ZBTB17: variants seen among roughly 807,000 people sequenced by gnomAD.
The protein encoded by ZBTB17 is zinc finger and BTB domain-containing protein 17.
In ZBTB17, 24 loss-of-function variants were observed where a neutral mutation model predicts 85.1. That is an observed-to-expected ratio of 0.28 (90% CI 0.20 to 0.40). ZBTB17 has a LOEUF of 0.40. ZBTB17 is among the 10% of genes least tolerant of loss of function. The pLI, the probability that ZBTB17 is intolerant of heterozygous loss-of-function variation, is 1.00. For synonymous variants in ZBTB17, 464 were observed against 460.2 expected (o/e 1.01, Z -0.11); for missense variants, 743 against 1,105.1 (o/e 0.67, Z 4.65).
intron 2 of ZBTB17, chr1:15,969,749 G>A: frequency 2.0e-6 from 1 of 492,620 alleles, no homozygotes; most frequent in South Asian, 1.6e-5. Flanking sequence ...CTCACTGTGG[G>A]CCTCATGGGA....
At chr1:15,950,036 T>C (rs1272382064) in intron 2 of ZBTB17, among the ~76,000 whole-genome samples, 1 of 152,210 alleles carries the variant, frequency 6.6e-6, no homozygotes, top group Non-Finnish European at 1.5e-5. Context: ...GCTTTGGCTC[T>C]CTCAATGACA....
Position 15,945,814 on chromosome 1 carries a change from C to CCG in ZBTB17, c.561_562insCG (p.Ala188ArgfsTer173), listed in dbSNP as rs1317702224. On this transcript the variant is annotated frameshift_variant, in exon 6 of 16. Coordinates refer to ENST00000375743, the MANE Select transcript of ZBTB17 (RefSeq NM_003443.3). LOFTEE classifies it high-confidence loss of function. ...TCCACAGGCGGCGGCTCCCGGGGCG[C>CCG]ATCGGCTTTCTCTGTCTGCTCTGCA... 1 of 1,601,298 alleles carries CCG rather than the reference C, an allele frequency of 6.2e-7. No individual in the cohort carries two copies. The highest frequency in any genetic ancestry group is 8.5e-7 in the Non-Finnish European group (1 of 1,178,270).
Position 15,976,030 on chromosome 1 carries a change from G to T in ZBTB17, c.-137C>A, listed in dbSNP as rs574861822. The T allele has an allele frequency of 1.4e-6, 1 of 697,096 alleles. No homozygotes were observed. Among genetic ancestry groups the T allele is most frequent in the South Asian group, 1.5e-5 (1 of 66,758 alleles). The allele number at this position is 697,096 out of a possible 1,614,324, so 43.2% of individuals were successfully genotyped here. On this transcript the variant is annotated 5_prime_UTR_variant, in exon 1 of 16. An upstream open reading frame in the 5' UTR gains an earlier in-frame stop. Coordinates refer to ENST00000375743, the MANE Select transcript of ZBTB17 (RefSeq NM_003443.3). ...GCAGAGGGAGGTGCATCACGGCCGC[G>T]AGAAGGCCGGGGACGGCACTCCAGA...
Position 15,945,576 on chromosome 1 carries a change from T to C in ZBTB17, c.661+139A>G, listed in dbSNP as rs1315843250. On this transcript the variant is annotated intron_variant, in intron 6 of 15. Transcript: ENST00000375743. Reference sequence around the variant, plus strand: ...ACTCAAGAACATGCGAAGACCAAGGTGTCCCAAAGCTGAAGTGCATGGTGA... The same window carrying C: ...ACTCAAGAACATGCGAAGACCAAGGCGTCCCAAAGCTGAAGTGCATGGTGA... 4.8e-6 allele frequency: 6 copies of C among 1,242,846 alleles called. No homozygotes were observed. The Admixed American group carries it at 1.5e-4, about 30-fold the overall frequency. 77.0% of individuals were successfully genotyped at this position (1,242,846 alleles called of 1,614,324 possible).
chr1:15,966,148 G>A lies in ZBTB17; in HGVS notation c.-3+6891C>T, dbSNP rs1037540362. Among the ~76,000 whole-genome samples, 31 of 152,150 alleles carry A rather than the reference G, an allele frequency of 2.0e-4. No individual in the cohort carries two copies. The highest frequency in any genetic ancestry group is 2.0e-3 in the Admixed American group (30 of 15,272). ...GGGCTGCTGACTGAGTCACAGTAAC[G>A]GGGGAAAATCCCTGAGGGGCCCACA... On this transcript the variant is annotated intron_variant, in intron 2 of 15. Transcript: ENST00000375743. The surrounding 1 kb of genome is among the most constrained non-coding windows in gnomAD (Gnocchi z 4.1).
rs950763626 is a variant in ZBTB17 at position 15,944,411 on chromosome 1, G to A, written c.1260C>T (p.Cys420=). ...CGGAGAAGGAGCGGCCGCAGTAGTC[G>A]CACTGGTAGGGCTTCTCGCCGCTGT... ...LVHSGEKPYQ[C]DYCGRSFSDP... The change falls in exon 9 of 16, where the codon TGC becomes TGT. Residue 420 remains cysteine (C), a synonymous_variant. Transcript: ENST00000375743. The A allele has an allele frequency of 1.3e-6, 2 of 1,565,650 alleles. No individual in the cohort carries two copies. The highest frequency in any genetic ancestry group is 1.7e-6 in the Non-Finnish European group (2 of 1,155,744).
chr1:15,948,512 AGGGCGTT>A lies in ZBTB17; in HGVS notation c.-2-22_-2-16del. On this transcript the variant is annotated splice_polypyrimidine_tract_variant and intron_variant, in intron 2 of 15. Transcript: ENST00000375743. ...AAAGTCCATGGCTGAAGAAAGCCAA[AGGGCGTT>A]GGGGTTAGCACGGAGAAAGGACGTC... is the stretch of plus-strand genomic sequence containing the variant. The A allele has an allele frequency of 6.2e-7, 1 of 1,611,782 alleles. No individual in the cohort carries two copies. Among genetic ancestry groups the A allele is most frequent in the South Asian group, 1.1e-5 (1 of 90,974 alleles).
At position 15,942,416 on chromosome 1, in the gene ZBTB17, C is replaced by G. The variant is rs1271856216; in HGVS notation, c.2043G>C (p.Val681=). The change falls in exon 15 of 16, where the codon GTG becomes GTC. Residue 681 remains valine, a synonymous_variant. Transcript: ENST00000375743. ...AATAVTQLTV[V]PVGAAVTADE... ...CGGCTGTCACTGCAGCTCCCACCGG[C>G]ACCACTGCGGGCAGAGTCGCAGGGC... The G allele has an allele frequency of 1.2e-6, 2 of 1,613,224 alleles. No individual in the cohort carries two copies. Among genetic ancestry groups the G allele is most frequent in the African/African-American group, 2.7e-5 (2 of 74,960 alleles).
chr1:15,970,694 G>C (rs6684328), intron 2 of ZBTB17, among the ~76,000 whole-genome samples: 2 of 151,940 alleles, frequency 1.3e-5, no homozygotes, highest in Non-Finnish European at 2.9e-5. Flanking sequence ...GATTACAGGC[G>C]CCTGCCACTG....
intron 2 of ZBTB17, chr1:15,969,846 C>T (rs1025545042): frequency 1.8e-5 from 10 of 567,046 alleles, no homozygotes; most frequent in Admixed American, 4.4e-5. Context: ...TTTTTATCAT[C>T]ATGGGAATCA....
chr1:15,943,756 C>T lies in ZBTB17; in HGVS notation c.1460-41G>A, dbSNP rs752444143. The T allele has an allele frequency of 1.2e-5, 20 of 1,612,518 alleles. No homozygotes were observed. In the East Asian group the frequency reaches 3.3e-4, roughly 27 times the overall value. ...GGGCGAACCTGGCGTGGGGCACCAC[C>T]GGTGGCCGAGGAGCAGGGGTGTGAG... On this transcript the variant is annotated intron_variant, in intron 10 of 15. Coordinates refer to ENST00000375743, the MANE Select transcript of ZBTB17 (RefSeq NM_003443.3).
Position 15,942,739 on chromosome 1 carries a change from C to T in ZBTB17, c.1829-1G>A, listed in dbSNP as rs1352196623. The T allele has an allele frequency of 6.2e-7, 1 of 1,613,076 alleles. No individual in the cohort carries two copies. ...TTATCACACAGGTAAGGCTTCTCTC[C>T]TGGGGGAGCAAGGTTCTCTCTTGCC... On this transcript the variant is annotated splice_acceptor_variant, in intron 13 of 15. Transcript: ENST00000375743. LOFTEE classifies it high-confidence loss of function.
Position 15,973,403 on chromosome 1 carries a change from G to T in ZBTB17, c.-89-278C>A, listed in dbSNP as rs1420760535. Among the ~76,000 whole-genome samples the T allele has an allele frequency of 6.6e-6, 1 of 152,174 alleles. No homozygotes were observed. The highest frequency in any genetic ancestry group is 1.5e-5 in the Non-Finnish European group (1 of 68,026). On this transcript the variant is annotated intron_variant, in intron 1 of 15. Coordinates refer to ENST00000375743, the MANE Select transcript of ZBTB17 (RefSeq NM_003443.3). This position sits in a 1 kb window ranked among gnomAD's most constrained non-coding sequence, Gnocchi z 4.1. ...AATGTTAAGAAGGAAAAACGACAAGGTTTGTATCCAAGCATTACTGCAGCA... is the reference window on the plus strand; with the variant it reads ...AATGTTAAGAAGGAAAAACGACAAGTTTTGTATCCAAGCATTACTGCAGCA...
intron 3 of ZBTB17, 69 bp from the exon 4 acceptor site, chr1:15,947,192 C>A: frequency 6.7e-7 from 1 of 1,485,544 alleles, no homozygotes; most frequent in South Asian, 1.3e-5. Flanking sequence ...CCCCACCACT[C>A]CACTCAGCAG....
rs2071835822 is a variant in ZBTB17 at position 15,951,400 on chromosome 1, G to T, written c.-2-2903C>A. 1.3e-5 allele frequency among the ~76,000 whole-genome samples: 2 copies of T among 152,124 alleles called. No homozygotes were observed. Among genetic ancestry groups the T allele is most frequent in the African/African-American group, 2.4e-5 (1 of 41,414 alleles). Reference sequence around the variant, plus strand: ...AAATGCGCTTACCAGTACAATCTGGGACTGGCCTCCCAGGGGTGCAAGAGC... The same window carrying T: ...AAATGCGCTTACCAGTACAATCTGGTACTGGCCTCCCAGGGGTGCAAGAGC... On this transcript the variant is annotated intron_variant, in intron 2 of 15. Transcript: ENST00000375743. This position sits in a 1 kb window ranked among gnomAD's most constrained non-coding sequence, Gnocchi z 4.1.
chr1:15,944,360 C>A lies in ZBTB17; in HGVS notation c.1311G>T (p.Leu437=). The change falls in exon 9 of 16, where the codon CTG becomes CTT. Residue 437 remains leucine, a synonymous_variant. Coordinates refer to ENST00000375743, the MANE Select transcript of ZBTB17 (RefSeq NM_003443.3). ...GCTCCTTGTCCGTGTCGTGGGTCTC[C>A]AGGTGGCGCATCTTGGAAGTGGGGT... ...FSDPTSKMRH[L]ETHDTDKEHK... 6.4e-7 allele frequency: 1 copy of A among 1,558,650 alleles called. No homozygotes were observed. Among genetic ancestry groups the A allele is most frequent in the Non-Finnish European group, 8.7e-7 (1 of 1,151,414 alleles).
At chr1:15,963,673 T>G (rs2072337165) in intron 2 of ZBTB17, among the ~76,000 whole-genome samples, 1 of 152,140 alleles carries the variant, frequency 6.6e-6, no homozygotes, top group African/African-American at 2.4e-5. Flanking sequence ...AATTTACACC[T>G]TATGAAACAC....
chr1:15,949,768 A>G (rs1480877277), intron 2 of ZBTB17, among the ~76,000 whole-genome samples: 3 of 152,234 alleles, frequency 2.0e-5, no homozygotes, highest in Non-Finnish European at 4.4e-5. Context: ...ATGAGTCCGG[A>G]GGAAGCCACG....
intron 3 of ZBTB17, 175 bp from the exon 4 acceptor site, chr1:15,947,298 T>C (rs553601151): frequency 6.3e-6 from 4 of 635,956 alleles, no homozygotes; most frequent in East Asian, 2.8e-5. Context: ...ATCTCAGCAC[T>C]ACCAACAGCC....
Sources: gnomAD v4.1 joint callset for allele counts (sites outside exome capture counted in the v4.1 genomes callset) on GRCh38, gnomAD v4.1.1 for gene constraint, Gnocchi (gnomAD v3.1) non-coding constraint, MANE v1.5 for transcripts, NCBI Gene and HGNC (gene_info 2026-07-23, HGNC 2026-07-21) for gene names.